The following OPRM1 variants were observed in gnomAD, a reference collection of about 807,000 sequenced individuals.
OPRM1 encodes opioid receptor mu 1.
A neutral mutation model predicts 31.8 loss-of-function variants in OPRM1; 27 were observed. The ratio of observed to expected loss-of-function variants is 0.85; its 90% CI spans 0.63 to 1.17. The LOEUF is 1.17. Among genes scored for constraint, OPRM1 ranks in the 50% most tolerant of loss-of-function variants. The pLI is 0.00. For missense variants in OPRM1, 536 were observed against 511.1 expected, an observed-to-expected ratio of 1.05 and a Z score of -0.47; for synonymous variants, 196 against 189.9, an observed-to-expected ratio of 1.03 and a Z score of -0.26.
At chr6:154,233,466 T>C (rs1779877887) in intron 3 of OPRM1, among the ~76,000 whole-genome samples, 1 of 152,192 alleles carries the variant, frequency 6.6e-6, no homozygotes, top group African/African-American at 2.4e-5. Context: ...CCTATGAATA[T>C]AACTAGATTT....
chr6:154,017,937 C>A (rs1038694056), intron 1 of OPRM1, among the ~76,000 whole-genome samples: 3 of 152,096 alleles, frequency 2.0e-5, no homozygotes, highest in Non-Finnish European at 4.4e-5. Flanking sequence ...ATCAATCAAA[C>A]AGTACGTATT....
At chr6:154,072,591 A>G (rs1787022713) in intron 1 of OPRM1, among the ~76,000 whole-genome samples, 1 of 152,216 alleles carries the variant, frequency 6.6e-6, no homozygotes, top group South Asian at 2.1e-4. Flanking sequence ...AATAGAAACT[A>G]TTTTTTAGAG....
chr6:154,013,284 A>T (rs932588218), intron 1 of OPRM1, among the ~76,000 whole-genome samples: 3 of 152,158 alleles, frequency 2.0e-5, no homozygotes, highest in African/African-American at 7.2e-5. Flanking sequence ...TAATACATGA[A>T]ATTCTTAGAA....
In OPRM1 at chr6:154,199,724, T is replaced by C. The variant is rs150555807; in HGVS notation, c.1165-46969T>C. 1.1e-5 allele frequency: 18 copies of C among 1,614,182 alleles called. No individual in the cohort carries two copies. In the East Asian group the frequency reaches 2.9e-4, roughly 26 times the overall value. ...ATCTGGGACAGTAAGATGGTCATGATTGCTACTCAATGAAGAAGTATCATC... is the reference window on the plus strand; with the variant it reads ...ATCTGGGACAGTAAGATGGTCATGACTGCTACTCAATGAAGAAGTATCATC... On this transcript the variant is annotated intron_variant, in intron 3 of 3. Transcript: ENST00000337049.
chr6:154,187,919 T>A (rs926701537), intron 3 of OPRM1, among the ~76,000 whole-genome samples: 2 of 152,178 alleles, frequency 1.3e-5, no homozygotes, highest in Admixed American at 6.5e-5. Context: ...TACTTCCAAC[T>A]TGGTGGTAGA....
chr6:154,185,662 T>G (rs1332315869), intron 3 of OPRM1, among the ~76,000 whole-genome samples: 1 of 152,236 alleles, frequency 6.6e-6, no homozygotes, highest in African/African-American at 2.4e-5. Context: ...AACAGTCAAC[T>G]TTTAATCCGG....
chr6:154,040,287 G>A (rs566435992), intron 1 of OPRM1, among the ~76,000 whole-genome samples: 2 of 151,984 alleles, frequency 1.3e-5, no homozygotes, highest in African/African-American at 2.4e-5. Context: ...GTGTGTGGCG[G>A]GGGGAGCAGT....
intron 3 of OPRM1, among the ~76,000 whole-genome samples, chr6:154,245,282 G>A (rs1583894705): frequency 1.6e-5 from 2 of 122,914 alleles, no homozygotes; most frequent in East Asian, 2.1e-4. Flanking sequence ...CTCACCAAAT[G>A]CTTGGAAAAA....
intron 1 of OPRM1, among the ~76,000 whole-genome samples, chr6:154,061,181 T>G (rs1784321636): frequency 6.6e-6 from 1 of 152,122 alleles, no homozygotes; most frequent in South Asian, 2.1e-4. Flanking sequence ...ACAAAATCCT[T>G]GGCAAAATGG....
chr6:154,023,027 A>C (rs1250788237), intron 1 of OPRM1, among the ~76,000 whole-genome samples: 1 of 152,016 alleles, frequency 6.6e-6, no homozygotes, highest in South Asian at 2.1e-4. Context: ...AGCTTTGGCT[A>C]TTCTGGGTCT....
intron 1 of OPRM1, among the ~76,000 whole-genome samples, chr6:154,070,738 G>A (rs1014302532): frequency 6.6e-6 from 1 of 152,090 alleles, no homozygotes; most frequent in Non-Finnish European, 1.5e-5. Context: ...CTTACTACTA[G>A]AATATGCTGG....
intron 1 of OPRM1, among the ~76,000 whole-genome samples, chr6:154,066,707 G>A (rs940968765): frequency 1.1e-4 from 17 of 152,086 alleles, no homozygotes; most frequent in African/African-American, 3.4e-4. Context: ...TAAGCAAAGA[G>A]GAAAGATCAC....
In OPRM1 at chr6:154,130,170, C is replaced by CTTTCTTTTTT. The variant is rs747564517; in HGVS notation, c.*11452_*11453insCTTTTTTTTT. ...GATTTCATGGAAATGTTTAAATTTT[C>CTTTCTTTTTT]TTTTTTTTTTTTTTTTTTGATGGAG... On this transcript the variant is annotated 3_prime_UTR_variant, in exon 4 of 4. Coordinates refer to ENST00000330432, the MANE Select transcript of OPRM1 (RefSeq NM_000914.5). Among the ~76,000 whole-genome samples, 1 of 71,786 alleles carries CTTTCTTTTTT rather than the reference C, an allele frequency of 1.4e-5. No homozygotes were observed. 47.1% of individuals were successfully genotyped at this position (71,786 alleles called of 152,430 possible). A position where few individuals can be genotyped will look rare whatever the true frequency, so the allele number is the denominator to read the frequency against.
chr6:154,172,652 A>C (rs1266319225), intron 3 of OPRM1, among the ~76,000 whole-genome samples: 2 of 152,234 alleles, frequency 1.3e-5, no homozygotes, highest in Non-Finnish European at 2.9e-5. Flanking sequence ...ACAAAGCAGC[A>C]GGGAAGCTCG....
chr6:154,118,951 T>A lies in OPRM1; in HGVS notation c.*230T>A. The A allele has an allele frequency of 7.9e-7, 1 of 1,272,160 alleles. No individual in the cohort carries two copies. 78.8% of individuals were successfully genotyped at this position (1,272,160 alleles called of 1,614,324 possible). ...ATATACCACACCGAGGAGTCCAGTT[T>A]GTGCAAGACACCCAGTGGAACCAAA... On this transcript the variant is annotated 3_prime_UTR_variant, in exon 4 of 4. Coordinates refer to ENST00000330432, the MANE Select transcript of OPRM1 (RefSeq NM_000914.5).
In OPRM1 at chr6:154,090,105, T is replaced by A. The variant is rs34074916; in HGVS notation, c.570T>A (p.Asn190Lys). ...CTCCCCGAAATGCCAAAATTATCAA[T>A]GTCTGCAACTGGATCCTCTCTTCAG... Reference protein sequence around the residue: ...FRTPRNAKIINVCNWILSSAI... With the variant: ...FRTPRNAKIIKVCNWILSSAI... The change falls in exon 2 of 4, where the codon AAT (asparagine) becomes AAA (lysine). Residue 190 changes from asparagine (N) to lysine (K), a missense_variant. Transcript: ENST00000330432. The A allele has an allele frequency of 1.5e-4, 245 of 1,614,146 alleles. 1 individual carries two copies. In the African/African-American group the frequency reaches 3.0e-3, roughly 20 times the overall value.
In OPRM1 at chr6:154,129,330, C is replaced by T. The variant is rs147915886; in HGVS notation, c.*10609C>T. On this transcript the variant is annotated 3_prime_UTR_variant, in exon 4 of 4. Transcript: ENST00000330432. ...AATGTAAGGAATCTATGAATAACATCGGCTTCTAAATCATAAGTTGATTTT... is the reference window on the plus strand; with the variant it reads ...AATGTAAGGAATCTATGAATAACATTGGCTTCTAAATCATAAGTTGATTTT... Among the ~76,000 whole-genome samples, 1,790 of 152,298 alleles carry T rather than the reference C, an allele frequency of 0.012. 35 individuals are homozygous for T. The highest frequency in any genetic ancestry group is 0.041 in the African/African-American group (1,703 of 41,562).
intron 3 of OPRM1, among the ~76,000 whole-genome samples, chr6:154,175,074 T>A (rs1203828182): frequency 6.6e-6 from 1 of 152,194 alleles, no homozygotes; most frequent in African/African-American, 2.4e-5. Context: ...GAATGACTAC[T>A]GGGTAAATAA....
intron 3 of OPRM1, among the ~76,000 whole-genome samples, chr6:154,213,614 T>G (rs1010267763): frequency 6.6e-6 from 1 of 152,212 alleles, no homozygotes; most frequent in Non-Finnish European, 1.5e-5. Context: ...AGGCCTTTTG[T>G]GGTCTGGGCA....
Sources: allele counts gnomAD v4.1 joint callset (sites outside exome capture counted in the v4.1 genomes callset), GRCh38; gene constraint gnomAD v4.1.1; transcripts MANE v1.5; gene names NCBI Gene and HGNC (gene_info 2026-07-23, HGNC 2026-07-21).